Variants in UNC5D observed in about 807,000 individuals in gnomAD.
UNC5D encodes the protein unc-5 netrin receptor D.
In UNC5D, 39 loss-of-function variants were observed where a neutral mutation model predicts 105.4. The observed-to-expected ratio is 0.37, with a 90% CI of 0.29 to 0.48. The LOEUF (loss-of-function observed/expected upper bound fraction) is 0.48, where lower values mean the gene tolerates loss of function less well. Among genes scored for constraint, UNC5D ranks in the 20% least tolerant of loss-of-function variants. The pLI is 0.98. For synonymous variants in UNC5D, 452 were observed against 450.4 expected, an observed-to-expected ratio of 1.00 and a Z score of -0.04; for missense variants, 991 against 1,202.4, an observed-to-expected ratio of 0.82 and a Z score of 2.60.
At chr8:35,772,723 A>C (rs1480145965) in intron 15 of UNC5D, among the ~76,000 whole-genome samples, 1 of 152,058 alleles carries the variant, frequency 6.6e-6, no homozygotes, top group African/African-American at 2.4e-5. Context: ...AGAAGCATAA[A>C]ATGACATTGA....
chr8:35,748,343 C>T (rs1429167492), intron 11 of UNC5D, among the ~76,000 whole-genome samples, 184 bp from the exon 12 acceptor site: 1 of 152,138 alleles, frequency 6.6e-6, no homozygotes, highest in East Asian at 1.9e-4. Flanking sequence ...GCTTAAACTC[C>T]TTCCGTGTGT....
chr8:35,254,177 A>G (rs1210063445), intron 1 of UNC5D, among the ~76,000 whole-genome samples: 1 of 152,192 alleles, frequency 6.6e-6, no homozygotes, highest in African/African-American at 2.4e-5. Flanking sequence ...TATATTGTTC[A>G]TCTTTGGTAG....
chr8:35,341,692 G>A (rs1370629036), intron 1 of UNC5D, among the ~76,000 whole-genome samples: 1 of 152,034 alleles, frequency 6.6e-6, no homozygotes, highest in Non-Finnish European at 1.5e-5. Context: ...ATAACTACTA[G>A]CAAAACATCT....
At position 35,265,895 on chromosome 8, in the gene UNC5D, A is replaced by AATC. The variant is rs531223195; in HGVS notation, c.103+30010_103+30011insCAT. On this transcript the variant is annotated intron_variant, in intron 1 of 16. Coordinates refer to ENST00000404895, the MANE Select transcript of UNC5D (RefSeq NM_080872.4). ...TAATAATAATAATAATAATAATAAT[A>AATC]ATAATAATAATATATCTGGGATTAG... Among the ~76,000 whole-genome samples, 257 of 149,724 alleles carry AATC rather than the reference A, an allele frequency of 1.7e-3. 2 individuals carry two copies. The highest frequency in any genetic ancestry group is 6.1e-3 in the African/African-American group (249 of 40,822).
intron 1 of UNC5D, among the ~76,000 whole-genome samples, chr8:35,427,231 G>T (rs1806312474): frequency 6.6e-6 from 1 of 152,154 alleles, no homozygotes; most frequent in Admixed American, 6.5e-5. Flanking sequence ...TGGTATTCAA[G>T]GCCGGCTTTC....
intron 4 of UNC5D, among the ~76,000 whole-genome samples, chr8:35,669,489 G>A (rs550151030): frequency 5.9e-5 from 9 of 152,026 alleles, no homozygotes; most frequent in South Asian, 2.1e-4. Context: ...ATAGCAAGTC[G>A]GTTGCAAATT....
At chr8:35,777,689 T>C (rs1281221469) in intron 16 of UNC5D, among the ~76,000 whole-genome samples, 1 of 152,116 alleles carries the variant, frequency 6.6e-6, no homozygotes, top group East Asian at 1.9e-4. Flanking sequence ...TGTAAACAAA[T>C]AGATATGACT....
chr8:35,566,364 G>A (rs13260765), intron 2 of UNC5D, among the ~76,000 whole-genome samples: 18,222 of 152,044 alleles, frequency 0.12, 1,429 homozygotes, highest in African/African-American at 0.22. Flanking sequence ...ATATAATCAT[G>A]ATCCACCTCC....
At chr8:35,556,757 G>A (rs1353635715) in intron 2 of UNC5D, among the ~76,000 whole-genome samples, 1 of 152,118 alleles carries the variant, frequency 6.6e-6, no homozygotes, top group Non-Finnish European at 1.5e-5. Context: ...CAGGATATCT[G>A]GAGACTCCCA....
intron 16 of UNC5D, among the ~76,000 whole-genome samples, chr8:35,775,138 C>T (rs1389298880): frequency 1.3e-5 from 2 of 152,172 alleles, no homozygotes; most frequent in Non-Finnish European, 1.5e-5. Context: ...GCAAATTTCT[C>T]ACGTCTCCCC....
Position 35,420,293 on chromosome 8 carries a change from G to C in UNC5D, c.104-128999G>C, listed in dbSNP as rs1235192988. ...ACAATTTAAAGCATTCATAAACCTG[G>C]AGTATAATTCATACATACCCTCTTG... On this transcript the variant is annotated intron_variant, in intron 1 of 16. Transcript: ENST00000404895. Among the ~76,000 whole-genome samples, 3 of 152,144 alleles carry C rather than the reference G, an allele frequency of 2.0e-5. No homozygotes were observed. In the East Asian group the frequency reaches 5.8e-4, roughly 29 times the overall value.
intron 1 of UNC5D, among the ~76,000 whole-genome samples, chr8:35,356,313 C>G (rs1055363171): frequency 6.6e-6 from 1 of 152,166 alleles, no homozygotes; most frequent in Non-Finnish European, 1.5e-5. Flanking sequence ...TTTTCCTACT[C>G]CCTTTACTAC....
At chr8:35,420,648 C>A (rs1022205078) in intron 1 of UNC5D, among the ~76,000 whole-genome samples, 1 of 152,182 alleles carries the variant, frequency 6.6e-6, no homozygotes, top group Non-Finnish European at 1.5e-5. Context: ...CTCCTACTCT[C>A]CCCTTTGTCC....
At chr8:35,652,183 G>C (rs4543534) in intron 4 of UNC5D, among the ~76,000 whole-genome samples, 152,302 of 152,314 alleles carry the variant, frequency 1, 76,145 homozygotes, top group Middle Eastern at 1. Flanking sequence ...GACTTTTTGA[G>C]AGTGAGCCAG....
At chr8:35,685,175 C>G (rs1032132105) in intron 6 of UNC5D, among the ~76,000 whole-genome samples, 1 of 152,126 alleles carries the variant, frequency 6.6e-6, no homozygotes, top group South Asian at 2.1e-4. Flanking sequence ...CATTAGTTAT[C>G]AATCAAATAA....
At chr8:35,507,055 T>C (rs1029465596) in intron 1 of UNC5D, among the ~76,000 whole-genome samples, 17 of 129,488 alleles carry the variant, frequency 1.3e-4, no homozygotes, top group Non-Finnish European at 2.7e-4. Context: ...TTTTCTTTTT[T>C]TTTTTTTTTT....
chr8:35,473,475 A>G, intron 1 of UNC5D, among the ~76,000 whole-genome samples: 1 of 152,162 alleles, frequency 6.6e-6, no homozygotes, highest in South Asian at 2.1e-4. Context: ...TTTCTCATCC[A>G]CTGCACATTA....
At position 35,235,490 on chromosome 8, in the gene UNC5D, C is replaced by G. The variant is rs982547761; in HGVS notation, c.-295C>G. On this transcript the variant is annotated 5_prime_UTR_variant, in exon 1 of 17. Coordinates refer to ENST00000404895, the MANE Select transcript of UNC5D (RefSeq NM_080872.4). Reference sequence around the variant, plus strand: ...CGCCTCCGCTCCGTAGTTCGGGGCCCGGCAGCGGCGCGAGGGCTGGGAACT... The same window carrying G: ...CGCCTCCGCTCCGTAGTTCGGGGCCGGGCAGCGGCGCGAGGGCTGGGAACT... 1 of 287,024 alleles carries G rather than the reference C, an allele frequency of 3.5e-6. No individual in the cohort carries two copies. Among genetic ancestry groups the G allele is most frequent in the Non-Finnish European group, 6.4e-6 (1 of 155,622 alleles). The allele number at this position is 287,024 out of a possible 1,614,324, so 17.8% of individuals were successfully genotyped here.
chr8:35,752,255 T>C (rs919805897), intron 13 of UNC5D, among the ~76,000 whole-genome samples: 3 of 152,198 alleles, frequency 2.0e-5, no homozygotes, highest in Admixed American at 6.5e-5. Flanking sequence ...GCTCTGCCCA[T>C]ATATAAATAG....
Sources: allele counts gnomAD v4.1 joint callset (sites outside exome capture counted in the v4.1 genomes callset), GRCh38; gene constraint gnomAD v4.1.1; transcripts MANE v1.5; gene names NCBI Gene and HGNC (gene_info 2026-07-23, HGNC 2026-07-21).